Variants in LRMDA observed in about 807,000 individuals in gnomAD.
LRMDA encodes the protein leucine-rich melanocyte differentiation-associated protein.
A neutral mutation model predicts 29.8 loss-of-function variants in LRMDA; 18 were observed. The observed-to-expected ratio is 0.60, with a 90% CI of 0.42 to 0.90. The LOEUF (loss-of-function observed/expected upper bound fraction) is 0.90. LRMDA is among the 40% of genes least tolerant of loss of function. LRMDA has a pLI of 0.00. For synonymous variants in LRMDA, 125 were observed against 109.4 expected, an observed-to-expected ratio of 1.14 and a Z score of -0.89; for missense variants, 273 against 273.9, an observed-to-expected ratio of 1.00 and a Z score of 0.02.
intron 2 of LRMDA, among the ~76,000 whole-genome samples, chr10:75,570,655 T>G (rs755894729): frequency 1.1e-4 from 17 of 152,234 alleles, no homozygotes; most frequent in Non-Finnish European, 2.4e-4. Flanking sequence ...TAGACGAGCT[T>G]CAGAGGGCCA....
At chr10:75,484,641 A>G (rs1385911425) in intron 2 of LRMDA, among the ~76,000 whole-genome samples, 2 of 152,208 alleles carry the variant, frequency 1.3e-5, no homozygotes, top group African/African-American at 4.8e-5. Flanking sequence ...AAGGTAATTA[A>G]GGTTAAATGA....
intron 5 of LRMDA, among the ~76,000 whole-genome samples, chr10:76,271,401 C>T (rs1166841548): frequency 1.3e-5 from 2 of 151,172 alleles, no homozygotes; most frequent in African/African-American, 2.4e-5. Context: ...GAGTTAGACC[C>T]TGTCTTGGAA....
chr10:76,054,970 A>G (rs1564640448), intron 4 of LRMDA, among the ~76,000 whole-genome samples: 2 of 143,614 alleles, frequency 1.4e-5, no homozygotes, highest in Non-Finnish European at 3.0e-5. Context: ...AGGCTGAGAC[A>G]GGGGAATTGC....
chr10:76,292,071 G>A (rs963861733), intron 5 of LRMDA, among the ~76,000 whole-genome samples: 2 of 152,112 alleles, frequency 1.3e-5, no homozygotes, highest in Admixed American at 1.3e-4. Context: ...GGCCCCCGGT[G>A]GATGTTTACT....
intron 3 of LRMDA, among the ~76,000 whole-genome samples, chr10:76,036,527 C>T (rs916876151): frequency 2.0e-5 from 3 of 152,228 alleles, no homozygotes; most frequent in Admixed American, 6.5e-5. Context: ...GGTGGGAAGT[C>T]CCGGGTAATG....
intron 5 of LRMDA, among the ~76,000 whole-genome samples, chr10:76,185,345 A>G (rs1851128048): frequency 6.6e-6 from 1 of 152,204 alleles, no homozygotes; most frequent in African/African-American, 2.4e-5. Context: ...TTGTTTACAT[A>G]AGATCTTCTG....
At chr10:76,438,476 G>A (rs899680671) in intron 6 of LRMDA, 5 of 152,262 alleles carry the variant, frequency 3.3e-5, no homozygotes, top group African/African-American at 7.2e-5. Flanking sequence ...ACTAGTACTC[G>A]GGTTGGGCAT....
At chr10:76,447,723 C>T (rs1177880551) in intron 6 of LRMDA, among the ~76,000 whole-genome samples, 2 of 152,082 alleles carry the variant, frequency 1.3e-5, no homozygotes, top group African/African-American at 4.8e-5. Flanking sequence ...TCTCATTTTA[C>T]CCATTCAGGT....
chr10:75,843,769 T>C (rs1315206928), intron 2 of LRMDA, among the ~76,000 whole-genome samples: 2 of 152,218 alleles, frequency 1.3e-5, no homozygotes, highest in African/African-American at 4.8e-5. Flanking sequence ...AACTAATGAA[T>C]CTTTAAGGTT....
intron 5 of LRMDA, among the ~76,000 whole-genome samples, chr10:76,142,547 A>G (rs959107803): frequency 6.6e-6 from 1 of 151,364 alleles, no homozygotes; most frequent in Admixed American, 6.6e-5. Flanking sequence ...TACTTTTTTC[A>G]CTCAACATTG....
At chr10:76,374,547 A>G (rs11001757) in intron 6 of LRMDA, among the ~76,000 whole-genome samples, 87,607 of 152,068 alleles carry the variant, frequency 0.58, 29,822 homozygotes, top group Non-Finnish European at 0.79. Flanking sequence ...GAGTCAATCA[A>G]AAGTTTCTTG....
intron 2 of LRMDA, among the ~76,000 whole-genome samples, chr10:75,659,943 A>G (rs949887321): frequency 1.3e-5 from 2 of 152,244 alleles, no homozygotes; most frequent in Non-Finnish European, 2.9e-5. Flanking sequence ...AGTGAGATGC[A>G]TATACCTTAC....
chr10:76,454,633 C>T (rs150573437), intron 6 of LRMDA, among the ~76,000 whole-genome samples: 65 of 151,070 alleles, frequency 4.3e-4, no homozygotes, highest in African/African-American at 1.5e-3. Flanking sequence ...CCACCCCGCC[C>T]GACTTTGACT....
chr10:75,522,273 G>A (rs1272650985), intron 2 of LRMDA, among the ~76,000 whole-genome samples: 1 of 152,192 alleles, frequency 6.6e-6, no homozygotes, highest in Admixed American at 6.5e-5. Flanking sequence ...TGGCTAGTAA[G>A]TTTCATTTGG....
At chr10:76,060,607 C>T (rs900883009) in intron 5 of LRMDA, among the ~76,000 whole-genome samples, 13 of 152,324 alleles carry the variant, frequency 8.5e-5, no homozygotes, top group African/African-American at 3.1e-4. Context: ...ACCCCTGGAG[C>T]AGTGAGCTAC....
chr10:75,729,803 T>C (rs1842673538), intron 2 of LRMDA, among the ~76,000 whole-genome samples: 1 of 152,180 alleles, frequency 6.6e-6, no homozygotes, highest in African/African-American at 2.4e-5. Context: ...TTTGTTGTTA[T>C]TGTTGTTTAA....
chr10:76,240,903 C>T (rs1852265954), intron 5 of LRMDA, among the ~76,000 whole-genome samples: 1 of 148,730 alleles, frequency 6.7e-6, no homozygotes, highest in South Asian at 2.2e-4. Flanking sequence ...CATACATACA[C>T]ACACACCCCA....
intron 2 of LRMDA, among the ~76,000 whole-genome samples, chr10:75,916,580 C>T (rs1264230358): frequency 1.3e-5 from 2 of 152,186 alleles, no homozygotes; most frequent in African/African-American, 4.8e-5. Context: ...CTGGCACATA[C>T]CCTCTGCTCT....
At chr10:75,584,797 C>T (rs967233373) in intron 2 of LRMDA, among the ~76,000 whole-genome samples, 9 of 152,000 alleles carry the variant, frequency 5.9e-5, no homozygotes, top group African/African-American at 9.7e-5. Context: ...TGCTGACAGG[C>T]GATAATGAGA....
Sources: allele counts gnomAD v4.1 joint callset (sites outside exome capture counted in the v4.1 genomes callset), GRCh38; gene constraint gnomAD v4.1.1; transcripts MANE v1.5; gene names NCBI Gene and HGNC (gene_info 2026-07-23, HGNC 2026-07-21).